The following SERPINA3 variants were observed in gnomAD, a reference collection of about 807,000 sequenced individuals.
SERPINA3 encodes the protein alpha-1-antichymotrypsin.
SERPINA3 carries 32 observed loss-of-function variants against 26.8 expected under a neutral mutation model. The ratio of observed to expected loss-of-function variants is 1.20; its 90% confidence interval spans 0.90 to 1.61. SERPINA3 has a LOEUF of 1.61. Ranked by LOEUF, SERPINA3 falls within the 40% of genes most tolerant of loss-of-function variation. The pLI is 0.00. For missense variants in SERPINA3, 632 were observed against 517.9 expected (o/e 1.22, Z -2.14); for synonymous variants, 252 against 206.4 (o/e 1.22, Z -1.89).
At chr14:94,617,552 T>C (rs1595096354) in intron 2 of SERPINA3, 1 of 152,298 alleles carries the variant, frequency 6.6e-6, no homozygotes, top group Admixed American at 6.5e-5. Context: ...CTCGTTTAAT[T>C]CTCGCAGCGG....
intron 4 of SERPINA3, among the ~76,000 whole-genome samples, 195 bp from the exon 5 acceptor site, chr14:94,623,416 C>A (rs1566848970): frequency 6.6e-6 from 1 of 152,172 alleles, no homozygotes; most frequent in Non-Finnish European, 1.5e-5. Context: ...TCTGGGTCTC[C>A]ATTTGCACAT....
Position 94,619,547 on chromosome 14 carries a change from G to A in SERPINA3, c.917+79G>A, listed in dbSNP as rs191022457. The stretch of plus-strand genomic sequence containing the variant: ...CAATGTCCAGGGACAAGGGCATGGT[G>A]GTGGGAGAACTCATACAGGGACAGG... On this transcript the variant is annotated intron_variant, in intron 3 of 4. Coordinates refer to ENST00000393078, the MANE Select transcript of SERPINA3 (RefSeq NM_001085.5). 1.6e-4 allele frequency: 252 copies of A among 1,567,418 alleles called. No individual in the cohort carries two copies. In the African/African-American group the frequency reaches 1.8e-3, roughly 11 times the overall value.
At position 94,617,013 on chromosome 14, in the gene SERPINA3, G is replaced by A. The variant is rs527354980; in HGVS notation, c.643+1929G>A. 2.0e-5 allele frequency among the ~76,000 whole-genome samples: 3 copies of A among 152,248 alleles called. No homozygotes were observed. In the South Asian group the frequency reaches 6.2e-4, roughly 32 times the overall value. On this transcript the variant is annotated intron_variant, in intron 2 of 4. Coordinates refer to ENST00000393078, the MANE Select transcript of SERPINA3 (RefSeq NM_001085.5). ...CTCTCTCCCCATTCTGGCATACAAG[G>A]CAGCAGTCAGGGTCCCCAGAGGCAG... is the stretch of plus-strand genomic sequence containing the variant.
At position 94,614,779 on chromosome 14, in the gene SERPINA3, C is replaced by T. The variant is rs372323053; in HGVS notation, c.338C>T (p.Ala113Val). ...TTCAACCTCACGGAGACTTCTGAGG[C>T]AGAAATTCACCAGAGCTTCCAGCAC... is the stretch of plus-strand genomic sequence containing the variant. The part of the protein sequence containing the change: ...LKFNLTETSE[A>V]EIHQSFQHLL... Residue 113 changes from alanine to valine, a missense_variant, in exon 2 of 5, where the codon GCA (alanine) becomes GTA (valine). Physicochemically the swap from Ala to Val is moderately conservative, Grantham distance 64. Coordinates refer to ENST00000393078, the MANE Select transcript of SERPINA3 (RefSeq NM_001085.5). The T allele has an allele frequency of 2.6e-5, 42 of 1,614,064 alleles. No homozygotes were observed. Among genetic ancestry groups the T allele is most frequent in the Admixed American group, 5.0e-5 (3 of 60,004 alleles).
intron 3 of SERPINA3, among the ~76,000 whole-genome samples, chr14:94,621,226 G>A (rs72694987): frequency 0.07 from 10,664 of 152,148 alleles, 481 homozygotes; most frequent in Admixed American, 0.1. Flanking sequence ...TTTACTCCCA[G>A]ACTCCTTCCT....
chr14:94,618,949 CT>C (rs112974409), intron 2 of SERPINA3: 6,493 of 586,312 alleles, frequency 0.011, 221 homozygotes, highest in African/African-American at 0.081. Context: ...TCCTTATTCC[CT>C]GGTTCCTATT....
intron 2 of SERPINA3, chr14:94,617,799 A>C (rs1355271939): frequency 6.6e-6 from 1 of 152,166 alleles, no homozygotes; most frequent in Non-Finnish European, 1.5e-5. Flanking sequence ...AAGGATTGAC[A>C]ATTTTTTTTC....
In SERPINA3 at chr14:94,615,801, C is replaced by T. The variant is rs1052955888; in HGVS notation, c.643+717C>T. On this transcript the variant is annotated intron_variant, in intron 2 of 4. Transcript: ENST00000393078. ...CCCAATCCCATTGATAGAAACTCAA[C>T]CAATGCAAACCTCAGCCTGCAAGCT... Among the ~76,000 whole-genome samples the T allele has an allele frequency of 9.8e-5, 15 of 152,300 alleles. No individual in the cohort carries two copies. In the East Asian group the frequency reaches 1.2e-3, roughly 12 times the overall value.
intron 2 of SERPINA3, chr14:94,615,563 C>A: frequency 7.4e-6 from 3 of 406,902 alleles, no homozygotes; most frequent in Admixed American, 2.9e-5. Flanking sequence ...GGGGCTGGGG[C>A]CATCTTCACA....
intron 3 of SERPINA3, among the ~76,000 whole-genome samples, chr14:94,620,738 G>A (rs777660210): frequency 2.0e-5 from 3 of 152,168 alleles, no homozygotes; most frequent in Admixed American, 6.5e-5. Context: ...GAGGGTAGAG[G>A]AACTTGCTGG....
chr14:94,622,937 T>C (rs1225523808), intron 4 of SERPINA3, among the ~76,000 whole-genome samples: 1 of 152,218 alleles, frequency 6.6e-6, no homozygotes, highest in Admixed American at 6.5e-5. Context: ...AGAAGACTAC[T>C]TGGGACACTC....
intron 2 of SERPINA3, among the ~76,000 whole-genome samples, chr14:94,615,938 A>G (rs1885980830): frequency 6.6e-6 from 1 of 152,202 alleles, no homozygotes. Context: ...CAGAGGGTGG[A>G]AAGGTGCTTA....
At position 94,619,093 on chromosome 14, in the gene SERPINA3, C is replaced by A. The variant is rs73346574; in HGVS notation, c.644-102C>A. ...TACTTCTCTAAACCAAAGCAGGGTC[C>A]CTCCTATGAGGGACTCTGGGCACTT... On this transcript the variant is annotated intron_variant, in intron 2 of 4. Coordinates refer to ENST00000393078, the MANE Select transcript of SERPINA3 (RefSeq NM_001085.5). 0.011 allele frequency: 14,365 copies of A among 1,338,526 alleles called. 842 individuals carry two copies. The African/African-American group carries it at 0.15, about 14-fold the overall frequency. The allele number at this position is 1,338,526 out of a possible 1,614,324, so 82.9% of individuals were successfully genotyped here.
Position 94,619,206 on chromosome 14 carries a change from A to G in SERPINA3, c.655A>G (p.Met219Val), listed in dbSNP as rs1886103593. ...TGCTCCACCTTCAGCCAAATGGGAG[A>G]TGCCCTTTGACCCCCAAGATACTCA... Reference protein sequence around the residue: ...NYIFFKAKWEMPFDPQDTHQS... With the variant: ...NYIFFKAKWEVPFDPQDTHQS... Residue 219 changes from methionine (M) to valine (V), a missense_variant, in exon 3 of 5, where the codon ATG (methionine) becomes GTG (valine). By Grantham distance (21) the Met-to-Val change is conservative (BLOSUM62 1). Transcript: ENST00000393078. 3 of 1,613,504 alleles carry G rather than the reference A, an allele frequency of 1.9e-6. No individual in the cohort carries two copies. The highest frequency in any genetic ancestry group is 2.5e-6 in the Non-Finnish European group (3 of 1,179,614).
In SERPINA3 at chr14:94,619,370, C is replaced by A. The variant is rs61737404; in HGVS notation, c.819C>A (p.Ser273Arg). The change falls in exon 3 of 5, where the codon AGC (serine) becomes AGA (arginine). Residue 273 changes from serine (S) to arginine (R), a missense_variant. By Grantham distance (110) the Ser-to-Arg change is moderately radical (BLOSUM62 -1). Coordinates refer to ENST00000393078, the MANE Select transcript of SERPINA3 (RefSeq NM_001085.5). ...VVELKYTGNA[S>R]ALFILPDQDK... ...AGCTGAAGTACACAGGCAATGCCAGCGCACTCTTCATCCTCCCTGATCAAG... is the reference window on the plus strand; with the variant it reads ...AGCTGAAGTACACAGGCAATGCCAGAGCACTCTTCATCCTCCCTGATCAAG... 1.1e-5 allele frequency: 18 copies of A among 1,613,964 alleles called. No homozygotes were observed. Among genetic ancestry groups the A allele is most frequent in the Non-Finnish European group, 1.5e-5 (18 of 1,179,986 alleles).
At position 94,612,456 on chromosome 14, in the gene SERPINA3, T is replaced by G; in HGVS notation, c.-9+9T>G. ...CCAGCTCCCTGAGGCAGGTAATCCATGATGTTTTACATCCTGGGAGCGGAG... is the reference window on the plus strand; with the variant it reads ...CCAGCTCCCTGAGGCAGGTAATCCAGGATGTTTTACATCCTGGGAGCGGAG... On this transcript the variant is annotated intron_variant, in intron 1 of 4. Transcript: ENST00000393078. The G allele has an allele frequency of 7.4e-7, 1 of 1,355,928 alleles. No individual in the cohort carries two copies. Among genetic ancestry groups the G allele is most frequent in the Non-Finnish European group, 9.9e-7 (1 of 1,013,084 alleles). The allele number at this position is 1,355,928 out of a possible 1,614,324, so 84.0% of individuals were successfully genotyped here.
chr14:94,615,446 A>G, intron 2 of SERPINA3: 1 of 464,222 alleles, frequency 2.2e-6, no homozygotes, highest in Admixed American at 2.3e-5. Context: ...GTGCTGCTAG[A>G]CTAGGCCAGG....
intron 2 of SERPINA3, among the ~76,000 whole-genome samples, chr14:94,616,456 A>G (rs1595095667): frequency 6.6e-6 from 1 of 152,308 alleles, no homozygotes; most frequent in Middle Eastern, 3.4e-3. Flanking sequence ...CTGCTGGGGC[A>G]GCCCTGTGGA....
Position 94,619,314 on chromosome 14 carries a change from C to A in SERPINA3, c.763C>A (p.Arg255=). 2 of 1,614,172 alleles carry A rather than the reference C, an allele frequency of 1.2e-6. No individual in the cohort carries two copies. Among genetic ancestry groups the A allele is most frequent in the African/African-American group, 1.3e-5 (1 of 75,042 alleles). The change falls in exon 3 of 5, where the codon CGG becomes AGG. Residue 255 remains arginine, a synonymous_variant. Transcript: ENST00000393078. ...SLHHLTIPYF[R]DEELSCTVVE... is the part of the protein sequence containing the mutation. ...GCATCACCTGACTATACCTTACTTCCGGGACGAGGAGCTGTCCTGCACCGT... is the reference window on the plus strand; with the variant it reads ...GCATCACCTGACTATACCTTACTTCAGGGACGAGGAGCTGTCCTGCACCGT...
Sources: allele counts gnomAD v4.1 joint callset (sites outside exome capture counted in the v4.1 genomes callset), GRCh38; gene constraint gnomAD v4.1.1; transcripts MANE v1.5; gene names NCBI Gene and HGNC (gene_info 2026-07-23, HGNC 2026-07-21).